ABCB11: variants seen among roughly 807,000 people sequenced by gnomAD.
The protein encoded by ABCB11 is ATP binding cassette subfamily B member 11.
In ABCB11, 95 loss-of-function variants were observed where a neutral mutation model predicts 148.0. The observed-to-expected ratio is 0.64, with a 90% CI of 0.54 to 0.76. ABCB11 has a LOEUF of 0.76. ABCB11 is among the 30% of genes least tolerant of loss of function. ABCB11 has a pLI of 0.00. For missense variants in ABCB11, 1,523 were observed against 1,617.8 expected (o/e 0.94, Z 1.01); for synonymous variants, 591 against 555.4 (o/e 1.06, Z -0.90).
intron 6 of ABCB11, 82 bp from the exon 7 acceptor site, chr2:168,995,564 A>G (rs1694687051): frequency 2.8e-6 from 4 of 1,436,264 alleles, no homozygotes; most frequent in African/African-American, 1.4e-5. Flanking sequence ...AGTACTTTCA[A>G]TACAACAGTT....
chr2:168,959,278 A>G (rs1195352501), intron 18 of ABCB11, among the ~76,000 whole-genome samples: 4 of 151,696 alleles, frequency 2.6e-5, no homozygotes, highest in Non-Finnish European at 5.9e-5. Flanking sequence ...CACCATTTGT[A>G]CTTTGTCATT....
chr2:168,988,334 A>G (rs1694398206), intron 9 of ABCB11, among the ~76,000 whole-genome samples: 1 of 152,018 alleles, frequency 6.6e-6, no homozygotes, highest in South Asian at 2.1e-4. Flanking sequence ...CTGTGAGTTC[A>G]ACTCTGTCAG....
At chr2:168,980,587 C>A (rs973005479) in intron 10 of ABCB11, among the ~76,000 whole-genome samples, 2 of 152,192 alleles carry the variant, frequency 1.3e-5, no homozygotes. Flanking sequence ...GAAGAGTGAA[C>A]AGACAGGTAT....
At chr2:168,919,508 C>A (rs1320799423), downstream of ABCB11, among the ~76,000 whole-genome samples, 1 of 152,134 alleles carries the variant, frequency 6.6e-6, no homozygotes, top group African/African-American at 2.4e-5. Context: ...GTACAGCACA[C>A]CTGTAATCCT....
rs769883311 is a variant in ABCB11 at position 168,968,501 on chromosome 2, C to A, written c.2012-11G>T. ...CATCTTCAGTTGCATCTACTCAACA[C>A]AGCATGAGCAATTTTTTAGTATATA... On this transcript the variant is annotated splice_polypyrimidine_tract_variant and intron_variant, in intron 16 of 27. Coordinates refer to ENST00000650372, the MANE Select transcript of ABCB11 (RefSeq NM_003742.4). The A allele has an allele frequency of 5.0e-6, 8 of 1,606,470 alleles. No homozygotes were observed. In the Admixed American group the frequency reaches 1.2e-4, roughly 24 times the overall value.
chr2:168,999,985 T>C (rs1015755253), intron 5 of ABCB11, among the ~76,000 whole-genome samples: 2 of 152,238 alleles, frequency 1.3e-5, no homozygotes, highest in East Asian at 3.9e-4. Context: ...CATCAACATT[T>C]AGGGTTATCA....
At position 168,986,188 on chromosome 2, in the gene ABCB11, C is replaced by T. The variant is rs923544898; in HGVS notation, c.1005G>A (p.Leu335=). The T allele has an allele frequency of 1.9e-6, 3 of 1,613,182 alleles. No homozygotes were observed. In the African/African-American group the frequency reaches 4.0e-5, roughly 22 times the overall value. ...FTGFVWCLIF[L]CYALAFWYGS... The stretch of plus-strand genomic sequence containing the variant: ...CGTACCAGAAGGCCAGTGCATAACA[C>T]AAAAAGATGAGACACCACACGAATC... Residue 335 remains leucine (L), a synonymous_variant, in exon 10 of 28, where the codon TTG becomes TTA. Transcript: ENST00000650372.
At chr2:168,965,387 TA>T (rs1203824446) in intron 17 of ABCB11, among the ~76,000 whole-genome samples, 1 of 151,694 alleles carries the variant, frequency 6.6e-6, no homozygotes, top group Admixed American at 6.6e-5. Context: ...TGTTGACAAT[TA>T]TGTTGAGACC....
chr2:168,956,451 T>C (rs1270380711), intron 19 of ABCB11, among the ~76,000 whole-genome samples: 7 of 151,710 alleles, frequency 4.6e-5, no homozygotes, highest in African/African-American at 9.7e-5. Context: ...AGTTGCTTGT[T>C]CCAATTTTTG....
chr2:169,001,249 T>C (rs913400891), intron 5 of ABCB11, among the ~76,000 whole-genome samples: 2 of 152,208 alleles, frequency 1.3e-5, no homozygotes, highest in Non-Finnish European at 2.9e-5. Context: ...AAGGAAGGTC[T>C]ATTGCATTTA....
intron 27 of ABCB11, among the ~76,000 whole-genome samples, chr2:168,924,391 G>A (rs1691212161): frequency 6.6e-6 from 1 of 151,984 alleles, no homozygotes; most frequent in Admixed American, 6.6e-5. Context: ...ATTCAAGAAA[G>A]GTGATTATTT....
chr2:169,002,992 G>A (rs1206311624), intron 5 of ABCB11, among the ~76,000 whole-genome samples: 15 of 151,844 alleles, frequency 9.9e-5, no homozygotes, highest in Admixed American at 9.8e-4. Context: ...TGGGGAACAG[G>A]TGGTGTTGGG....
At chr2:169,023,013 T>C (rs78136850) in intron 1 of ABCB11, among the ~76,000 whole-genome samples, 1 of 152,276 alleles carries the variant, frequency 6.6e-6, no homozygotes, top group African/African-American at 2.4e-5. Context: ...CAGCAGTGAA[T>C]ACTAAAACTA....
At chr2:168,961,068 G>A (rs926554654) in intron 18 of ABCB11, among the ~76,000 whole-genome samples, 2 of 151,636 alleles carry the variant, frequency 1.3e-5, no homozygotes, top group Non-Finnish European at 3.0e-5. Flanking sequence ...TGTGATACCT[G>A]GCACTTCACA....
chr2:168,976,235 G>T (rs555259192), intron 12 of ABCB11, among the ~76,000 whole-genome samples: 1 of 152,230 alleles, frequency 6.6e-6, no homozygotes, highest in Non-Finnish European at 1.5e-5. Context: ...GGAAGAACCT[G>T]TGCTTCCTGA....
chr2:168,927,682 C>G (rs1691378013), intron 25 of ABCB11, among the ~76,000 whole-genome samples: 1 of 152,100 alleles, frequency 6.6e-6, no homozygotes. Flanking sequence ...GCAGCACACT[C>G]TCTACAAATA....
intron 2 of ABCB11, 167 bp downstream of exon 2, chr2:169,017,883 C>T: frequency 2.6e-6 from 2 of 771,818 alleles, no homozygotes; most frequent in South Asian, 2.7e-5. Context: ...TATTACGTTA[C>T]ATGGATTCTA....
chr2:169,002,007 G>A (rs968035816), intron 5 of ABCB11, among the ~76,000 whole-genome samples: 1 of 152,104 alleles, frequency 6.6e-6, no homozygotes, highest in Non-Finnish European at 1.5e-5. Flanking sequence ...ATCCAACTAT[G>A]TACTGTCTAC....
chr2:169,016,326 A>G (rs750986006), intron 3 of ABCB11, among the ~76,000 whole-genome samples: 90 of 152,336 alleles, frequency 5.9e-4, no homozygotes, highest in Non-Finnish European at 1.0e-3. Context: ...CTTCTAAATT[A>G]GACCTCATCT....
Sources: allele counts gnomAD v4.1 joint callset (sites outside exome capture counted in the v4.1 genomes callset), GRCh38; gene constraint gnomAD v4.1.1; transcripts MANE v1.5; gene names NCBI Gene and HGNC (gene_info 2026-07-23, HGNC 2026-07-21).